The following SORBS2 variants were observed in gnomAD, a reference collection of about 807,000 sequenced individuals.
SORBS2 encodes the protein sorbin and SH3 domain containing 2, also known as sorbin and SH3 domain-containing protein 2.
A neutral mutation model predicts 97.7 loss-of-function variants in SORBS2; 46 were observed. The observed-to-expected ratio is 0.47, with a 90% confidence interval of 0.37 to 0.60. The LOEUF is 0.60. Among genes scored for constraint, SORBS2 ranks in the 20% least tolerant of loss-of-function variants. The pLI is 0.00. For missense variants in SORBS2, 1,316 were observed against 1,282.3 expected (o/e 1.03, Z -0.40); for synonymous variants, 476 against 473.4 (o/e 1.01, Z -0.07).
At chr4:185,879,356 T>C (rs1025868040) in intron 1 of SORBS2, among the ~76,000 whole-genome samples, 10 of 152,090 alleles carry the variant, frequency 6.6e-5, no homozygotes, top group African/African-American at 2.2e-4. Context: ...AACTCATCAT[T>C]TTTTATGGCT....
rs548006250 is a variant in SORBS2 at position 185,921,493 on chromosome 4, A to G, written c.-338+34703T>C. On this transcript the variant is annotated intron_variant, in intron 1 of 20. Transcript: ENST00000284776. ...TTTTTCCCTATTATCCTGGAGGAAT[A>G]TGTCACACAACAAAATATGGAGAGA... 3.9e-5 allele frequency among the ~76,000 whole-genome samples: 6 copies of G among 152,294 alleles called. No individual in the cohort carries two copies. The East Asian group carries it at 1.2e-3, about 29-fold the overall frequency.
chr4:185,702,799 C>T (rs1387021204), intron 2 of SORBS2, among the ~76,000 whole-genome samples: 1 of 151,872 alleles, frequency 6.6e-6, no homozygotes, highest in Non-Finnish European at 1.5e-5. Flanking sequence ...AATATAAAAG[C>T]ACATAAGGGA....
intron 1 of SORBS2, among the ~76,000 whole-genome samples, chr4:185,891,783 G>C (rs899604905): frequency 6.6e-6 from 1 of 152,208 alleles, no homozygotes; most frequent in African/African-American, 2.4e-5. Context: ...TAGTCTCAGT[G>C]AATTGGTTTT....
intron 1 of SORBS2, among the ~76,000 whole-genome samples, chr4:185,844,803 C>G (rs2099213596): frequency 6.6e-6 from 1 of 152,078 alleles, no homozygotes; most frequent in Non-Finnish European, 1.5e-5. Context: ...GATACATGCT[C>G]CAAGATGTAG....
chr4:185,942,222 T>C (rs1296294535), intron 1 of SORBS2, among the ~76,000 whole-genome samples: 1 of 152,196 alleles, frequency 6.6e-6, no homozygotes, highest in African/African-American at 2.4e-5. Context: ...CTGAAATGCT[T>C]CTGGGAAGAA....
intron 1 of SORBS2, among the ~76,000 whole-genome samples, chr4:185,785,321 C>T (rs114519032): frequency 1.3e-3 from 202 of 151,724 alleles, no homozygotes; most frequent in African/African-American, 2.0e-3. Flanking sequence ...ATTAGGCGGC[C>T]GGTGAATTTT....
intron 1 of SORBS2, among the ~76,000 whole-genome samples, chr4:185,918,963 A>G (rs2099259674): frequency 1.3e-5 from 2 of 152,222 alleles, no homozygotes; most frequent in Non-Finnish European, 1.5e-5. Flanking sequence ...TTTGATGTAC[A>G]AAAATCTTCA....
intron 2 of SORBS2, among the ~76,000 whole-genome samples, chr4:185,708,768 G>T (rs1343471887): frequency 6.6e-6 from 1 of 152,128 alleles, no homozygotes. Flanking sequence ...AATCATTAAG[G>T]CAAGGGGGAA....
At chr4:185,893,993 C>G (rs2099243785) in intron 1 of SORBS2, among the ~76,000 whole-genome samples, 1 of 152,092 alleles carries the variant, frequency 6.6e-6, no homozygotes. Context: ...CATGGTCTGT[C>G]TACCTCCCGA....
intron 1 of SORBS2, among the ~76,000 whole-genome samples, chr4:185,945,438 A>G (rs2099274091): frequency 6.6e-6 from 1 of 152,224 alleles, no homozygotes; most frequent in African/African-American, 2.4e-5. Context: ...GGCACATTTA[A>G]TAGGCAACAT....
At chr4:185,821,582 C>A (rs1365561633) in intron 1 of SORBS2, among the ~76,000 whole-genome samples, 2 of 152,112 alleles carry the variant, frequency 1.3e-5, no homozygotes, top group Non-Finnish European at 2.9e-5. Context: ...CGCCACCACA[C>A]CCAGCTAATT....
At chr4:185,654,451 A>G (rs28716167) in intron 1 of SORBS2, among the ~76,000 whole-genome samples, 48,044 of 152,052 alleles carry the variant, frequency 0.32, 8,604 homozygotes, top group Non-Finnish European at 0.41. Context: ...CTATCACTGT[A>G]TATGGCAATA....
At chr4:185,915,117 C>G (rs1385583937) in intron 1 of SORBS2, among the ~76,000 whole-genome samples, 2 of 152,244 alleles carry the variant, frequency 1.3e-5, no homozygotes, top group Non-Finnish European at 2.9e-5. Flanking sequence ...ACTCATACCA[C>G]TCACTGCTCA....
At chr4:185,886,424 G>A (rs957519020) in intron 1 of SORBS2, among the ~76,000 whole-genome samples, 3 of 151,608 alleles carry the variant, frequency 2.0e-5, no homozygotes, top group Admixed American at 6.6e-5. Flanking sequence ...GCATGGTGGC[G>A]GTTGCCTTTA....
chr4:185,786,543 C>G (rs2099056939), intron 1 of SORBS2, among the ~76,000 whole-genome samples: 1 of 152,216 alleles, frequency 6.6e-6, no homozygotes, highest in Non-Finnish European at 1.5e-5. Context: ...TGATTACATT[C>G]CAAGGAAAGA....
At chr4:185,927,508 T>C (rs559770502) in intron 1 of SORBS2, among the ~76,000 whole-genome samples, 4 of 148,020 alleles carry the variant, frequency 2.7e-5, no homozygotes, top group African/African-American at 9.9e-5. Flanking sequence ...ATTGTTCAAC[T>C]CCCAGTTATG....
At chr4:185,918,445 C>A (rs1418393967) in intron 1 of SORBS2, 1 of 152,226 alleles carries the variant, frequency 6.6e-6, no homozygotes, top group Non-Finnish European at 1.5e-5. Flanking sequence ...CACTCTCCAT[C>A]TTTTCCGCCA....
chr4:185,761,768 C>T (rs79812670), intron 2 of SORBS2, among the ~76,000 whole-genome samples: 4,243 of 152,268 alleles, frequency 0.028, 189 homozygotes, highest in African/African-American at 0.096. Context: ...CAGCAGTGAG[C>T]CACACCCTTT....
intron 2 of SORBS2, among the ~76,000 whole-genome samples, chr4:185,742,153 C>T (rs1471763552): frequency 6.6e-6 from 1 of 152,228 alleles, no homozygotes; most frequent in African/African-American, 2.4e-5. Flanking sequence ...CCTGGCTACA[C>T]AGTTTGGGGG....
Sources: gnomAD v4.1 joint callset for allele counts (sites outside exome capture counted in the v4.1 genomes callset) on GRCh38, gnomAD v4.1.1 for gene constraint, MANE v1.5 for transcripts, NCBI Gene and HGNC (gene_info 2026-07-23, HGNC 2026-07-21) for gene names.